The following ARMH4 variants were observed in gnomAD, a reference collection of about 807,000 sequenced individuals.
ARMH4 encodes the protein armadillo-like helical domain-containing protein 4.
ARMH4 carries 49 observed loss-of-function variants against 61.9 expected under a neutral mutation model. The observed-to-expected ratio is 0.79, with a 90% confidence interval of 0.63 to 1.00. The LOEUF (loss-of-function observed/expected upper bound fraction) is 1.00. ARMH4 is among the 50% of genes least tolerant of loss of function. The probability of loss-of-function intolerance (pLI) is 0.00; values close to 1 mark genes in which losing one functional copy is unlikely to be tolerated. For missense variants in ARMH4, 934 were observed against 930.0 expected (o/e 1.00, Z -0.06); for synonymous variants, 368 against 341.5 (o/e 1.08, Z -0.85).
chr14:58,043,957 A>G (rs1594717336), intron 5 of ARMH4, among the ~76,000 whole-genome samples: 2 of 152,330 alleles, frequency 1.3e-5, no homozygotes, highest in African/African-American at 4.8e-5. Context: ...GCTCAATGAA[A>G]TAAAAGAGGA....
At chr14:58,115,631 C>A (rs374037863) in intron 4 of ARMH4, among the ~76,000 whole-genome samples, 37 of 152,268 alleles carry the variant, frequency 2.4e-4, no homozygotes, top group African/African-American at 8.9e-4. Context: ...TATGTCCATA[C>A]CAGCACCATT....
At chr14:58,114,124 G>C (rs1028939979) in intron 4 of ARMH4, among the ~76,000 whole-genome samples, 1 of 151,936 alleles carries the variant, frequency 6.6e-6, no homozygotes, top group Non-Finnish European at 1.5e-5. Flanking sequence ...CCTCACATTT[G>C]CTTGGTTCTA....
chr14:58,086,679 T>C (rs1470250858), intron 5 of ARMH4, among the ~76,000 whole-genome samples: 1 of 152,144 alleles, frequency 6.6e-6, no homozygotes, highest in Non-Finnish European at 1.5e-5. Flanking sequence ...AAATCCCTTT[T>C]AAAAATCAAC....
Position 58,005,181 on chromosome 14 carries a change from G to A in ARMH4, c.2123C>T (p.Ala708Val), listed in dbSNP as rs202177226. ...RSWMEKLKDK[A>V]GYMSGMLVPV... Reference sequence around the variant, plus strand: ...CACCAGCATCCCAGACATGTAACCAGCCTGCATAGAAAAGGAAACACACAT... The same window carrying A: ...CACCAGCATCCCAGACATGTAACCAACCTGCATAGAAAAGGAAACACACAT... The change falls in exon 7 of 8, where the codon GCT becomes GTT. Residue 708 changes from alanine (A) to valine (V), a missense_variant and splice_region_variant. Transcript: ENST00000267485. 1.2e-4 allele frequency: 197 copies of A among 1,613,870 alleles called. No homozygotes were observed. The highest frequency in any genetic ancestry group is 3.1e-5 in the Non-Finnish European group (36 of 1,179,880).
At chr14:58,073,099 T>C (rs374454107) in intron 5 of ARMH4, among the ~76,000 whole-genome samples, 3 of 152,154 alleles carry the variant, frequency 2.0e-5, no homozygotes, top group African/African-American at 7.2e-5. Context: ...CCTCTTTATC[T>C]GAATACCACC....
At chr14:58,057,475 T>C (rs1884381823) in intron 5 of ARMH4, among the ~76,000 whole-genome samples, 1 of 152,164 alleles carries the variant, frequency 6.6e-6, no homozygotes, top group Admixed American at 6.5e-5. Flanking sequence ...TATAACTAGT[T>C]AGTGTTGAGT....
chr14:58,108,181 C>T (rs577586697), intron 4 of ARMH4, among the ~76,000 whole-genome samples: 2 of 152,200 alleles, frequency 1.3e-5, no homozygotes, highest in East Asian at 1.9e-4. Context: ...CTAAGGGATA[C>T]CAGAATTTTC....
chr14:58,012,022 G>A (rs1410535862), intron 6 of ARMH4, 97 bp downstream of exon 6: 1 of 865,350 alleles, frequency 1.2e-6, no homozygotes, highest in Non-Finnish European at 1.8e-6. Context: ...ACCAGAATCA[G>A]AATAATAAAC....
rs2141120221 is a variant in ARMH4 at position 58,003,415 on chromosome 14, G to A, written c.*1321C>T. On this transcript the variant is annotated 3_prime_UTR_variant, in exon 8 of 8. Coordinates refer to ENST00000267485, the MANE Select transcript of ARMH4 (RefSeq NM_001001872.4). ...CATAGTAGCTCTGAGGAATAACTGT[G>A]CAACTTTTCTTGAACATAGTAGACA... The A allele has an allele frequency of 6.6e-6, 1 of 152,272 alleles. No homozygotes were observed. Among genetic ancestry groups the A allele is most frequent in the Non-Finnish European group, 1.5e-5 (1 of 68,016 alleles). The allele number at this position is 152,272 out of a possible 1,614,324, so 9.4% of individuals were successfully genotyped here. A position where few individuals can be genotyped will look rare whatever the true frequency, so the allele number is the denominator to read the frequency against.
At chr14:58,009,156 C>T (rs1882293160) in intron 6 of ARMH4, among the ~76,000 whole-genome samples, 1 of 152,162 alleles carries the variant, frequency 6.6e-6, no homozygotes, top group African/African-American at 2.4e-5. Context: ...GACTTCTTGC[C>T]TGCTGGGAAG....
chr14:58,118,420 C>T (rs771406512), intron 4 of ARMH4, among the ~76,000 whole-genome samples: 3 of 139,948 alleles, frequency 2.1e-5, no homozygotes, highest in Admixed American at 8.0e-5. Context: ...ACAGACAGTA[C>T]GTATGCAGGG....
intron 5 of ARMH4, among the ~76,000 whole-genome samples, chr14:58,014,685 C>T (rs887416351): frequency 1.3e-5 from 2 of 152,054 alleles, no homozygotes; most frequent in African/African-American, 2.4e-5. Context: ...ACATTGTGTT[C>T]GATCAGGCAT....
At chr14:58,145,749 C>T (rs1269037242) in intron 1 of ARMH4, among the ~76,000 whole-genome samples, 1 of 152,178 alleles carries the variant, frequency 6.6e-6, no homozygotes, top group African/African-American at 2.4e-5. Flanking sequence ...TTTCTCCCCC[C>T]TTTTCAAAGG....
intron 5 of ARMH4, among the ~76,000 whole-genome samples, chr14:58,023,071 C>A (rs979698027): frequency 1.3e-5 from 2 of 152,200 alleles, no homozygotes; most frequent in African/African-American, 4.8e-5. Flanking sequence ...GGGTCTTCCT[C>A]AATGCTGATG....
At chr14:58,124,032 A>G (rs2141311542) in intron 4 of ARMH4, among the ~76,000 whole-genome samples, 1 of 152,198 alleles carries the variant, frequency 6.6e-6, no homozygotes, top group South Asian at 2.1e-4. Context: ...TATCCAGCCT[A>G]TACTGGCTTA....
chr14:58,131,495 C>G lies in ARMH4; in HGVS notation c.1831+17G>C. 1.2e-6 allele frequency: 2 copies of G among 1,604,530 alleles called. No homozygotes were observed. The highest frequency in any genetic ancestry group is 1.7e-6 in the Non-Finnish European group (2 of 1,171,682). On this transcript the variant is annotated intron_variant, in intron 4 of 7. Transcript: ENST00000267485. ...CTCAACCAGTCCTTGAAAAGATCCC[C>G]TTCAAAGCATGAATACCTTCAGATT...
chr14:58,079,325 C>A (rs1261734251), intron 5 of ARMH4, among the ~76,000 whole-genome samples: 1 of 152,196 alleles, frequency 6.6e-6, no homozygotes, highest in Non-Finnish European at 1.5e-5. Flanking sequence ...CTTCATGCTG[C>A]ATCATCCGAT....
intron 4 of ARMH4, among the ~76,000 whole-genome samples, chr14:58,121,764 CTG>C (rs565031724): frequency 1.3e-5 from 2 of 152,168 alleles, no homozygotes; most frequent in South Asian, 4.1e-4. Flanking sequence ...ACCAGCAATT[CTG>C]TGTTTCATAA....
At chr14:58,034,724 G>A (rs1333202768) in intron 5 of ARMH4, among the ~76,000 whole-genome samples, 2 of 44,450 alleles carry the variant, frequency 4.5e-5, no homozygotes, top group African/African-American at 8.4e-5. Flanking sequence ...CCAAGCCAAT[G>A]GAAAACAAAA....
Sources: allele counts gnomAD v4.1 joint callset (sites outside exome capture counted in the v4.1 genomes callset), GRCh38; gene constraint gnomAD v4.1.1; transcripts MANE v1.5; gene names NCBI Gene and HGNC (gene_info 2026-07-23, HGNC 2026-07-21).